UXS1: variants seen among roughly 807,000 people sequenced by gnomAD.
UXS1 encodes UDP-glucuronate decarboxylase 1.
Under a neutral mutation model 62.6 loss-of-function variants are expected in UXS1, and 33 were observed. That is an observed-to-expected ratio of 0.53 (90% CI 0.40 to 0.70). UXS1 has a LOEUF of 0.70. Ranked by LOEUF, UXS1 falls within the 30% of genes least tolerant of loss-of-function variation. The pLI is 0.00. For synonymous variants in UXS1, 213 were observed against 206.8 expected, an observed-to-expected ratio of 1.03 and a Z score of -0.26; for missense variants, 434 against 556.3, an observed-to-expected ratio of 0.78 and a Z score of 2.21.
chr2:106,180,894 TAC>T lies in UXS1; in HGVS notation c.94+13252_94+13253del, dbSNP rs61680901. On this transcript the variant is annotated intron_variant, in intron 1 of 14. Coordinates refer to ENST00000283148, the MANE Select transcript of UXS1 (RefSeq NM_001253875.2). ...CCTGGTGTGGCATGGTAGAAAATGTTACCATGCTATTTCTTTTGCCTTTTTCT... is the reference window on the plus strand; with the variant it reads ...CCTGGTGTGGCATGGTAGAAAATGTTCATGCTATTTCTTTTGCCTTTTTCT... Among the ~76,000 whole-genome samples, 223 of 152,314 alleles carry T rather than the reference TAC, an allele frequency of 1.5e-3. 1 individual carries two copies. Among genetic ancestry groups the T allele is most frequent in the African/African-American group, 5.1e-3 (210 of 41,562 alleles).
chr2:106,096,581 A>C (rs966353726), intron 14 of UXS1, 137 bp downstream of exon 14: 28 of 644,804 alleles, frequency 4.3e-5, no homozygotes, highest in Non-Finnish European at 7.2e-5. Flanking sequence ...ACTTGGAGAA[A>C]ACCCTCTATC....
At chr2:106,157,802 G>C (rs1456925409) in intron 5 of UXS1, among the ~76,000 whole-genome samples, 1 of 152,190 alleles carries the variant, frequency 6.6e-6, no homozygotes, top group Non-Finnish European at 1.5e-5. Context: ...CATAGAGATA[G>C]AGAGTAGTTT....
intron 10 of UXS1, among the ~76,000 whole-genome samples, chr2:106,112,108 C>T (rs1250966122): frequency 1.3e-5 from 2 of 152,172 alleles, no homozygotes; most frequent in African/African-American, 4.8e-5. Context: ...CAGTCAGTGT[C>T]GGCACAGACA....
At chr2:106,123,300 G>A (rs2377455) in intron 8 of UXS1, among the ~76,000 whole-genome samples, 21,670 of 78,444 alleles carry the variant, frequency 0.28, 2,172 homozygotes, top group East Asian at 0.48. Context: ...ACTTACAGGG[G>A]AAAAAAAAAA....
At chr2:106,178,039 C>T (rs990733512) in intron 1 of UXS1, among the ~76,000 whole-genome samples, 1 of 152,212 alleles carries the variant, frequency 6.6e-6, no homozygotes, top group Non-Finnish European at 1.5e-5. Flanking sequence ...TCTGTACAAA[C>T]CTCTTCCATC....
chr2:106,168,460 C>T (rs1683347661), intron 1 of UXS1, among the ~76,000 whole-genome samples: 1 of 152,182 alleles, frequency 6.6e-6, no homozygotes, highest in African/African-American at 2.4e-5. Flanking sequence ...TATAGAGTAG[C>T]CATTCTTTTA....
chr2:106,128,790 T>C (rs760417089), intron 7 of UXS1, among the ~76,000 whole-genome samples: 17 of 152,198 alleles, frequency 1.1e-4, no homozygotes, highest in African/African-American at 3.1e-4. Context: ...CCCTAAAATA[T>C]TGCATCTAAG....
chr2:106,126,718 C>T (rs1679988277), intron 7 of UXS1, among the ~76,000 whole-genome samples: 1 of 152,096 alleles, frequency 6.6e-6, no homozygotes. Context: ...GTATAGGGAC[C>T]TTATGTATCT....
intron 12 of UXS1, among the ~76,000 whole-genome samples, chr2:106,099,533 G>A (rs1319108699): frequency 6.6e-5 from 10 of 152,234 alleles, no homozygotes; most frequent in East Asian, 1.9e-4. Flanking sequence ...GATGACTAGC[G>A]AAGTGGAGTG....
In UXS1 at chr2:106,156,360, G is replaced by A. The variant is rs553300931; in HGVS notation, c.291+1698C>T. 5.3e-5 allele frequency among the ~76,000 whole-genome samples: 8 copies of A among 152,256 alleles called. No homozygotes were observed. In the South Asian group the frequency reaches 1.7e-3, roughly 32 times the overall value. The stretch of plus-strand genomic sequence containing the variant: ...GATATCACTTCACACCCAGTAGAAA[G>A]GCTACAATCAAAAAGACAGACAATA... On this transcript the variant is annotated intron_variant, in intron 5 of 14. Coordinates refer to ENST00000283148, the MANE Select transcript of UXS1 (RefSeq NM_001253875.2).
chr2:106,151,429 G>A (rs1027606710), intron 5 of UXS1, among the ~76,000 whole-genome samples: 1 of 152,084 alleles, frequency 6.6e-6, no homozygotes, highest in East Asian at 1.9e-4. Context: ...ATGAATTTAC[G>A]TCATTATTGC....
chr2:106,189,514 G>A (rs1171152257), intron 1 of UXS1, among the ~76,000 whole-genome samples: 1 of 152,226 alleles, frequency 6.6e-6, no homozygotes, highest in African/African-American at 2.4e-5. Context: ...GCGAAGTGCA[G>A]GCCCAGAAGT....
intron 14 of UXS1, among the ~76,000 whole-genome samples, chr2:106,096,486 C>T (rs1037606082): frequency 1.5e-4 from 23 of 152,128 alleles, no homozygotes; most frequent in East Asian, 7.7e-4. Context: ...AGAGATTTTA[C>T]GAAAACAGAG....
chr2:106,130,937 A>G (rs1034046660), intron 6 of UXS1, among the ~76,000 whole-genome samples: 3 of 152,136 alleles, frequency 2.0e-5, no homozygotes, highest in African/African-American at 7.2e-5. Flanking sequence ...TCCAGTCTAC[A>G]GCTCCCAGCG....
chr2:106,172,961 A>T (rs999731659), intron 1 of UXS1, among the ~76,000 whole-genome samples: 3 of 152,060 alleles, frequency 2.0e-5, no homozygotes, highest in Admixed American at 6.5e-5. Flanking sequence ...CTCAAAAGTT[A>T]CCTTATAAAA....
At chr2:106,174,603 G>A (rs770789641) in intron 1 of UXS1, among the ~76,000 whole-genome samples, 3 of 152,212 alleles carry the variant, frequency 2.0e-5, no homozygotes, top group Admixed American at 6.5e-5. Flanking sequence ...ATCAGCCAGA[G>A]GTGCAACCCA....
chr2:106,162,689 A>G (rs1342679835), intron 4 of UXS1, among the ~76,000 whole-genome samples: 3 of 152,260 alleles, frequency 2.0e-5, no homozygotes, highest in South Asian at 2.1e-4. Flanking sequence ...TAACAACCTT[A>G]TATTACTAAG....
intron 5 of UXS1, among the ~76,000 whole-genome samples, chr2:106,146,418 G>C (rs1192480549): frequency 6.6e-6 from 1 of 152,186 alleles, no homozygotes; most frequent in African/African-American, 2.4e-5. Context: ...AATTCTCCAT[G>C]AAACTCCTGT....
intron 4 of UXS1, chr2:106,159,988 C>G (rs967122969): frequency 6.6e-6 from 1 of 152,172 alleles, no homozygotes; most frequent in Admixed American, 6.5e-5. Context: ...CTGGGGCTCC[C>G]CCTTGTGAGC....
Sources: gnomAD v4.1 joint callset for allele counts (sites outside exome capture counted in the v4.1 genomes callset) on GRCh38, gnomAD v4.1.1 for gene constraint, MANE v1.5 for transcripts, NCBI Gene and HGNC (gene_info 2026-07-23, HGNC 2026-07-21) for gene names.